KNDC1: variants seen among roughly 807,000 people sequenced by gnomAD.
The protein encoded by KNDC1 is kinase non-catalytic C-lobe domain-containing protein 1.
KNDC1 carries 106 observed loss-of-function variants against 172.8 expected under a neutral mutation model. The ratio of observed to expected loss-of-function variants is 0.61; its 90% confidence interval spans 0.52 to 0.72. KNDC1 has a LOEUF of 0.72. KNDC1 is among the 30% of genes least tolerant of loss of function. The pLI is 0.00. For synonymous variants in KNDC1, 1,083 were observed against 1,062.2 expected (o/e 1.02, Z -0.38); for missense variants, 2,325 against 2,394.5 (o/e 0.97, Z 0.61).
At chr10:133,192,815 A>T (rs1403437220) in intron 9 of KNDC1, among the ~76,000 whole-genome samples, 1 of 152,204 alleles carries the variant, frequency 6.6e-6, no homozygotes, top group Non-Finnish European at 1.5e-5. Context: ...ATAATAAAAG[A>T]TCTAATATCC....
Position 133,201,904 on chromosome 10 carries a change from T to C in KNDC1, c.3387+6T>C. On this transcript the variant is annotated splice_donor_region_variant and intron_variant, in intron 17 of 29. Coordinates refer to ENST00000304613, the MANE Select transcript of KNDC1 (RefSeq NM_152643.8). ...TGCCCGACGCCCAGAGCCCGGTGAG[T>C]CCCAGGCCTTGGCACTGCCGGGTGG... 1.3e-6 allele frequency: 2 copies of C among 1,499,528 alleles called. No individual in the cohort carries two copies. The highest frequency in any genetic ancestry group is 1.8e-6 in the Non-Finnish European group (2 of 1,125,758). The allele number at this position is 1,499,528 out of a possible 1,614,324, so 92.9% of individuals were successfully genotyped here.
In KNDC1 at chr10:133,225,135, T is replaced by TA; in HGVS notation, c.*250dup. ...GAGGTTTGCGTGTTTCTGCTAGAAT[T>TA]AAAAAGTTAAATTTAAAAATGAAAA... is the stretch of plus-strand genomic sequence containing the variant. On this transcript the variant is annotated 3_prime_UTR_variant, in exon 30 of 30. Coordinates refer to ENST00000304613, the MANE Select transcript of KNDC1 (RefSeq NM_152643.8). 1 of 507,544 alleles carries TA rather than the reference T, an allele frequency of 2.0e-6. No homozygotes were observed. The highest frequency in any genetic ancestry group is 3.6e-6 in the Non-Finnish European group (1 of 281,640). The allele number at this position is 507,544 out of a possible 1,614,324, so 31.4% of individuals were successfully genotyped here. A position where few individuals can be genotyped will look rare whatever the true frequency, so the allele number is the denominator to read the frequency against.
rs367680730 is a variant in KNDC1 at position 133,200,349 on chromosome 10, G to A, written c.2904-26G>A. 209 of 1,554,330 alleles carry A rather than the reference G, an allele frequency of 1.3e-4. 1 individual carries two copies. In the African/African-American group the frequency reaches 2.7e-3, roughly 20 times the overall value. On this transcript the variant is annotated intron_variant, in intron 15 of 29. Transcript: ENST00000304613. ...GCCTCCTCCCAGTGGGCGGAGGTGG[G>A]GACTGACCTGCATTCTCGTCGTCAG...
intron 17 of KNDC1, among the ~76,000 whole-genome samples, chr10:133,204,654 G>A (rs1854473505): frequency 6.6e-6 from 1 of 152,230 alleles, no homozygotes; most frequent in South Asian, 2.1e-4. Context: ...AAATAGAAAT[G>A]TCGCCTGCAT....
intron 9 of KNDC1, among the ~76,000 whole-genome samples, 167 bp from the exon 10 acceptor site, chr10:133,195,496 C>T (rs907826708): frequency 5.9e-5 from 9 of 152,176 alleles, no homozygotes; most frequent in African/African-American, 2.2e-4. Flanking sequence ...GAGGCGGATG[C>T]AGGGGTCCAG....
chr10:133,197,438 G>A (rs138228720), intron 11 of KNDC1, among the ~76,000 whole-genome samples: 10 of 152,290 alleles, frequency 6.6e-5, no homozygotes, highest in South Asian at 2.1e-4. Context: ...TGGTGCTGGC[G>A]TCTCCCACTC....
chr10:133,184,169 CACCT>C (rs1300332509), intron 5 of KNDC1, among the ~76,000 whole-genome samples, 180 bp downstream of exon 5: 3 of 141,642 alleles, frequency 2.1e-5, no homozygotes, highest in African/African-American at 3.0e-5. Context: ...ACTGCACACA[CACCT>C]ATGCACACAC....
In KNDC1 at chr10:133,175,772, C is replaced by T. The variant is rs978803711; in HGVS notation, c.360+7460C>T. On this transcript the variant is annotated intron_variant, in intron 3 of 29. Transcript: ENST00000304613. The stretch of plus-strand genomic sequence containing the variant: ...AGTGTATGGATTAGTAGAGGATGGA[C>T]GGGTGGAGGATGGGCTGATGGATGG... 9.7e-5 allele frequency among the ~76,000 whole-genome samples: 14 copies of T among 144,334 alleles called. 1 individual carries two copies. The highest frequency in any genetic ancestry group is 2.1e-4 in the Admixed American group (3 of 14,522). 94.7% of individuals were successfully genotyped at this position (144,334 alleles called of 152,430 possible). A position where few individuals can be genotyped will look rare whatever the true frequency, so the allele number is the denominator to read the frequency against.
At position 133,199,457 on chromosome 10, in the gene KNDC1, G is replaced by A; in HGVS notation, c.2759-1G>A. The A allele has an allele frequency of 6.2e-7, 1 of 1,613,466 alleles. No individual in the cohort carries two copies. Among genetic ancestry groups the A allele is most frequent in the Non-Finnish European group, 8.5e-7 (1 of 1,179,832 alleles). ...TTGTCTCCATCGTTTTGCAAAACCAGGGGAGTACATCTTCGCCTTGAAAGA... is the reference window on the plus strand; with the variant it reads ...TTGTCTCCATCGTTTTGCAAAACCAAGGGAGTACATCTTCGCCTTGAAAGA... On this transcript the variant is annotated splice_acceptor_variant, in intron 14 of 29. Coordinates refer to ENST00000304613, the MANE Select transcript of KNDC1 (RefSeq NM_152643.8). LOFTEE classifies it high-confidence loss of function.
intron 20 of KNDC1, among the ~76,000 whole-genome samples, chr10:133,208,718 C>T (rs72859889): frequency 0.046 from 7,053 of 152,288 alleles, 220 homozygotes; most frequent in Middle Eastern, 0.068. Flanking sequence ...CCACGCCCAC[C>T]GCAGGGTCTC....
At position 133,183,409 on chromosome 10, in the gene KNDC1, G is replaced by A. The variant is rs551443060; in HGVS notation, c.426G>A (p.Leu142=). The A allele has an allele frequency of 2.4e-5, 39 of 1,603,720 alleles. No individual in the cohort carries two copies. In the East Asian group the frequency reaches 8.3e-4, roughly 34 times the overall value. ...AALEYVAEPT[L]EPRLSQDLEA... ...TCGAGTACGTGGCAGAGCCCACACT[G>A]GAACCCAGGCTGAGCCAAGACCTCG... Residue 142 remains leucine, a synonymous_variant, in exon 4 of 30, where the codon CTG becomes CTA. Coordinates refer to ENST00000304613, the MANE Select transcript of KNDC1 (RefSeq NM_152643.8).
chr10:133,221,380 G>C (rs1425926599), intron 29 of KNDC1, among the ~76,000 whole-genome samples: 7 of 151,564 alleles, frequency 4.6e-5, no homozygotes, highest in Admixed American at 3.3e-4. Flanking sequence ...CACACCCCAG[G>C]CCACACAGGC....
rs756029983 is a variant in KNDC1 at position 133,199,057 on chromosome 10, C to T, written c.2549C>T (p.Thr850Ile). The T allele has an allele frequency of 1.6e-5, 26 of 1,598,744 alleles. No individual in the cohort carries two copies. Among genetic ancestry groups the T allele is most frequent in the Non-Finnish European group, 2.1e-5 (25 of 1,173,798 alleles). ...PGQEPEGPGA[T>I]PAGERDDQSP... ...CAGGAGCCAGAGGGCCCCGGGGCCA[C>T]CCCTGCCGGGGAACGTGATGACCAG... Residue 850 changes from threonine to isoleucine, a missense_variant, in exon 14 of 30, where the codon ACC becomes ATC. Transcript: ENST00000304613.
chr10:133,183,210 G>C (rs1374112005), intron 3 of KNDC1, 134 bp from the exon 4 acceptor site: 1 of 1,128,704 alleles, frequency 8.9e-7, no homozygotes. Context: ...GGCAGCGTGG[G>C]CACGGGTGCT....
In KNDC1 at chr10:133,203,146, G is replaced by A. The variant is rs1854425935; in HGVS notation, c.3387+1248G>A. Among the ~76,000 whole-genome samples the A allele has an allele frequency of 4.7e-5, 4 of 85,616 alleles. 1 individual carries two copies. The highest frequency in any genetic ancestry group is 5.8e-4 in the South Asian group (2 of 3,464). The allele number at this position is 85,616 out of a possible 152,430, so 56.2% of individuals were successfully genotyped here. A position where few individuals can be genotyped will look rare whatever the true frequency, so the allele number is the denominator to read the frequency against. ...AGCACTCGGCCCCCAAACGCACGGC[G>A]TCCAGCGGGGAGCACTCGGCCCCCA... On this transcript the variant is annotated intron_variant, in intron 17 of 29. Transcript: ENST00000304613.
At position 133,198,957 on chromosome 10, in the gene KNDC1, G is replaced by GGGCCCACCAC. The variant is rs745847217; in HGVS notation, c.2467_2476dup (p.Arg826ProfsTer34). On this transcript the variant is annotated frameshift_variant, in exon 14 of 30. Transcript: ENST00000304613. LOFTEE classifies it high-confidence loss of function. ...CGGGGGCCTCAGGCCCGACGCCCTG[G>GGGCCCACCAC]GGCCCACCACGGCCCACCACGGCCC... is the stretch of plus-strand genomic sequence containing the variant. The GGGCCCACCAC allele has an allele frequency of 1.9e-5, 30 of 1,549,320 alleles. No individual in the cohort carries two copies. The highest frequency in any genetic ancestry group is 3.5e-5 in the South Asian group (3 of 84,680).
intron 3 of KNDC1, among the ~76,000 whole-genome samples, chr10:133,176,917 C>T (rs1482478559): frequency 3.9e-5 from 6 of 152,232 alleles, no homozygotes; most frequent in Non-Finnish European, 7.3e-5. Flanking sequence ...GAGCACAGCT[C>T]GGAAATGTGC....
chr10:133,224,962 G>A lies in KNDC1; in HGVS notation c.*72G>A, dbSNP rs933284832. On this transcript the variant is annotated 3_prime_UTR_variant, in exon 30 of 30. Transcript: ENST00000304613. The surrounding 1 kb of genome is among the most constrained non-coding windows in gnomAD (Gnocchi z 5.4). ...GGGGGCGGGCTGGGAGGTGGGAGCCGCGTCTCAGGCCCGGCCGTTATCAAG... is the reference window on the plus strand; with the variant it reads ...GGGGGCGGGCTGGGAGGTGGGAGCCACGTCTCAGGCCCGGCCGTTATCAAG... The A allele has an allele frequency of 6.1e-5, 76 of 1,244,448 alleles. 1 individual carries two copies. The highest frequency in any genetic ancestry group is 7.7e-5 in the South Asian group (6 of 77,904). 77.1% of individuals were successfully genotyped at this position (1,244,448 alleles called of 1,614,324 possible).
intron 4 of KNDC1, 67 bp from the exon 5 acceptor site, chr10:133,183,805 C>T (rs1308865606): frequency 3.2e-6 from 4 of 1,264,490 alleles, no homozygotes; most frequent in Non-Finnish European, 4.4e-6. Flanking sequence ...CCGGCCGTGT[C>T]GGGTGGGTGG....
Sources: allele counts gnomAD v4.1 joint callset (sites outside exome capture counted in the v4.1 genomes callset), GRCh38; gene constraint gnomAD v4.1.1; non-coding constraint Gnocchi (gnomAD v3.1); transcripts MANE v1.5; gene names NCBI Gene and HGNC (gene_info 2026-07-23, HGNC 2026-07-21).